Variants in CCL26 observed in about 807,000 individuals in gnomAD.
CCL26 encodes the protein C-C motif chemokine ligand 26.
In CCL26, 10 loss-of-function variants were observed where a neutral mutation model predicts 10.7. The ratio of observed to expected loss-of-function variants is 0.93; its 90% CI spans 0.57 to 1.58. CCL26 has a LOEUF of 1.58. Among genes scored for constraint, CCL26 ranks in the 40% most tolerant of loss-of-function variants. The pLI is 0.00. For synonymous variants in CCL26, 43 were observed against 41.4 expected (o/e 1.04, Z -0.15); for missense variants, 116 against 111.0 (o/e 1.05, Z -0.20).
At chr7:75,780,532 G>C (rs999117684) in intron 1 of CCL26, among the ~76,000 whole-genome samples, 3 of 152,102 alleles carry the variant, frequency 2.0e-5, no homozygotes, top group African/African-American at 7.2e-5. Flanking sequence ...CAAATAGCCA[G>C]AAAAATGGCA....
At chr7:75,775,424 T>C (rs1035051946), upstream of CCL26, among the ~76,000 whole-genome samples, 25 of 152,090 alleles carry the variant, frequency 1.6e-4, no homozygotes, top group African/African-American at 6.0e-4. Context: ...GCAAGTCCTT[T>C]ATTTGGGAGG....
At chr7:75,786,438 G>A (rs1554530008) in intron 1 of CCL26, among the ~76,000 whole-genome samples, 2 of 152,116 alleles carry the variant, frequency 1.3e-5, no homozygotes, top group African/African-American at 4.8e-5. Flanking sequence ...CCTCACTCTT[G>A]CAAAGGGACT....
chr7:75,773,597 C>T (rs984896060), upstream of CCL26, among the ~76,000 whole-genome samples: 19 of 151,956 alleles, frequency 1.3e-4, no homozygotes, highest in African/African-American at 3.9e-4. Flanking sequence ...TGTGTGGGGC[C>T]AGTCACAGTG....
intron 1 of CCL26, among the ~76,000 whole-genome samples, chr7:75,779,229 C>T (rs977723214): frequency 6.6e-6 from 1 of 152,088 alleles, no homozygotes; most frequent in Admixed American, 6.6e-5. Context: ...AGACTCAGCC[C>T]GCCTGCACTC....
At chr7:75,773,472 T>C (rs11465324), upstream of CCL26, among the ~76,000 whole-genome samples, 312 of 151,920 alleles carry the variant, frequency 2.1e-3, 2 homozygotes, top group African/African-American at 7.2e-3. Context: ...CCCAGGTTGG[T>C]CTTAAACTCT....
At chr7:75,776,274 G>T (rs1444284617), upstream of CCL26, among the ~76,000 whole-genome samples, 1 of 151,610 alleles carries the variant, frequency 6.6e-6, no homozygotes, top group Admixed American at 6.6e-5. Flanking sequence ...GTTTCACCAT[G>T]TTGGCCAGGC....
intron 1 of CCL26, among the ~76,000 whole-genome samples, chr7:75,786,971 C>A (rs891275315): frequency 1.1e-4 from 17 of 152,308 alleles, no homozygotes; most frequent in African/African-American, 4.1e-4. Flanking sequence ...TTCTACTACT[C>A]CTCAGGGATT....
Position 75,770,069 on chromosome 7 carries a change from ATTTT to A in CCL26, c.189-284_189-281del, listed in dbSNP as rs10540427. Among the ~76,000 whole-genome samples, 541 of 144,430 alleles carry A rather than the reference ATTTT, an allele frequency of 3.7e-3. 3 individuals are homozygous for A. The highest frequency in any genetic ancestry group is 0.012 in the African/African-American group (486 of 39,434). 94.8% of individuals were successfully genotyped at this position (144,430 alleles called of 152,430 possible). ...CATGTAACCTGCACCAGGACACTTA[ATTTT>A]TTTTTTTTTTTTTTGAGACGAACTC... On this transcript the variant is annotated intron_variant, in intron 2 of 2. Coordinates refer to ENST00000005180, the MANE Select transcript of CCL26 (RefSeq NM_001371938.1).
upstream of CCL26, among the ~76,000 whole-genome samples, chr7:75,790,149 G>T (rs782039569): frequency 7.9e-5 from 8 of 101,444 alleles, no homozygotes; most frequent in East Asian, 3.5e-4. Context: ...CTCTCTTTCT[G>T]TCTCTCTCCC....
At chr7:75,785,848 CA>C (rs1371399402) in intron 1 of CCL26, among the ~76,000 whole-genome samples, 1 of 152,172 alleles carries the variant, frequency 6.6e-6, no homozygotes, top group African/African-American at 2.4e-5. Context: ...CAGGGCTGTG[CA>C]GTTGGAATTC....
Position 75,771,976 on chromosome 7 carries a change from C to G in CCL26, c.101G>C (p.Cys34Ser), listed in dbSNP as rs781853481. The change falls in exon 2 of 3, where the codon TGC (cysteine) becomes TCC (serine). Residue 34 changes from cysteine to serine, a missense_variant. Transcript: ENST00000005180. ...AAGGGGCTTGTGGCTGTATTGGAAGCAGCAGGTCTTGGATATGTCACTCCC... is the reference window on the plus strand; with the variant it reads ...AAGGGGCTTGTGGCTGTATTGGAAGGAGCAGGTCTTGGATATGTCACTCCC... ...TRGSDISKTC[C>S]FQYSHKPLPW... 1.2e-6 allele frequency: 2 copies of G among 1,614,118 alleles called. No homozygotes were observed. Among genetic ancestry groups the G allele is most frequent in the East Asian group, 2.2e-5 (1 of 44,882 alleles).
At chr7:75,778,848 T>TC (rs59030718) in intron 1 of CCL26, among the ~76,000 whole-genome samples, 46 of 149,258 alleles carry the variant, frequency 3.1e-4, no homozygotes, top group African/African-American at 6.3e-4. Context: ...GAGGCCAAGG[T>TC]GGGGGGGGCA....
chr7:75,787,068 C>G (rs1803207899), intron 1 of CCL26, among the ~76,000 whole-genome samples: 1 of 152,180 alleles, frequency 6.6e-6, no homozygotes, highest in East Asian at 1.9e-4. Flanking sequence ...CACCCTGAGT[C>G]AGGAAACTAA....
At position 75,788,663 on chromosome 7, in the gene CCL26, T is replaced by C. The variant is rs1398816049; in HGVS notation, c.-79+1054A>G. 2.6e-5 allele frequency among the ~76,000 whole-genome samples: 4 copies of C among 151,324 alleles called. No individual in the cohort carries two copies. In the East Asian group the frequency reaches 7.8e-4, roughly 29 times the overall value. ...ATCCCTTGAACTCGGGAGGTGGAGA[T>C]TGCAGTGAGCCAAGATCACACCACT... is the stretch of plus-strand genomic sequence containing the variant. On this transcript the variant is annotated intron_variant, in intron 1 of 3. Coordinates refer to the CCL26 transcript ENST00000394905.
chr7:75,785,197 C>T (rs1192148019), intron 1 of CCL26, among the ~76,000 whole-genome samples: 1 of 152,148 alleles, frequency 6.6e-6, no homozygotes, highest in Admixed American at 6.6e-5. Flanking sequence ...CACTCTTCCC[C>T]TGCACCCCTC....
intron 1 of CCL26, among the ~76,000 whole-genome samples, chr7:75,780,853 A>G (rs781894811): frequency 2.0e-5 from 3 of 151,766 alleles, no homozygotes; most frequent in East Asian, 1.9e-4. Flanking sequence ...CCCCCACCCT[A>G]CAATCCTTTT....
chr7:75,788,394 T>A (rs1554530285), intron 1 of CCL26, among the ~76,000 whole-genome samples: 1 of 152,050 alleles, frequency 6.6e-6, no homozygotes, highest in Non-Finnish European at 1.5e-5. Flanking sequence ...GAACAACCCC[T>A]TTTGACTGTA....
intron 2 of CCL26, among the ~76,000 whole-genome samples, chr7:75,771,585 A>T (rs533206852): frequency 6.6e-6 from 1 of 152,284 alleles, no homozygotes; most frequent in Admixed American, 6.5e-5. Context: ...GCATGGTGGC[A>T]TGTGCCTGTA....
At chr7:75,786,456 A>G (rs1381181363) in intron 1 of CCL26, among the ~76,000 whole-genome samples, 1 of 152,180 alleles carries the variant, frequency 6.6e-6, no homozygotes, top group Non-Finnish European at 1.5e-5. Flanking sequence ...ACTACGCGTC[A>G]ATATTTATAC....
Sources: allele counts gnomAD v4.1 joint callset (sites outside exome capture counted in the v4.1 genomes callset), GRCh38; gene constraint gnomAD v4.1.1; transcripts MANE v1.5; gene names NCBI Gene and HGNC (gene_info 2026-07-23, HGNC 2026-07-21).